CTNNA1: variants seen among roughly 807,000 people sequenced by gnomAD.
CTNNA1 encodes the protein catenin alpha 1, also known as catenin alpha-1.
CTNNA1 carries 37 observed loss-of-function variants against 98.4 expected under a neutral mutation model. That is an observed-to-expected ratio of 0.38 (90% confidence interval 0.29 to 0.49). The LOEUF is 0.49. Ranked by LOEUF, CTNNA1 falls within the 20% of genes least tolerant of loss-of-function variation. The pLI, the probability that CTNNA1 is intolerant of heterozygous loss-of-function variation, is 0.95. For synonymous variants in CTNNA1, 404 were observed against 413.2 expected, an observed-to-expected ratio of 0.98 and a Z score of 0.27; for missense variants, 761 against 1,147.2, an observed-to-expected ratio of 0.66 and a Z score of 4.86.
At chr5:138,821,616 TC>T (rs1201628624) in intron 5 of CTNNA1, among the ~76,000 whole-genome samples, 1 of 152,230 alleles carries the variant, frequency 6.6e-6, no homozygotes, top group East Asian at 1.9e-4. Context: ...AGAGGAAACT[TC>T]CACTTGAATT....
chr5:138,791,211 A>G (rs1274271884), intron 3 of CTNNA1, among the ~76,000 whole-genome samples: 1 of 152,168 alleles, frequency 6.6e-6, no homozygotes, highest in Non-Finnish European at 1.5e-5. Flanking sequence ...ATTCCATTTC[A>G]GGCAAACTTT....
chr5:138,876,945 G>A lies in CTNNA1; in HGVS notation c.1063-9267G>A, dbSNP rs185957. 5.4e-3 allele frequency among the ~76,000 whole-genome samples: 816 copies of A among 152,318 alleles called. 2 individuals are homozygous for A. The highest frequency in any genetic ancestry group is 8.0e-3 in the Non-Finnish European group (542 of 68,038). ...TACGAAGTACAAAGGGAGACAGAAGGCAGCAGGAATGCTCTGAGAGTCTTC... is the reference window on the plus strand; with the variant it reads ...TACGAAGTACAAAGGGAGACAGAAGACAGCAGGAATGCTCTGAGAGTCTTC... On this transcript the variant is annotated intron_variant, in intron 7 of 17. Transcript: ENST00000302763.
intron 14 of CTNNA1, among the ~76,000 whole-genome samples, chr5:138,930,233 G>A (rs1765012628): frequency 1.3e-5 from 2 of 152,120 alleles, no homozygotes; most frequent in African/African-American, 4.8e-5. Context: ...TTCCACATTA[G>A]CCTTCCACCC....
intron 7 of CTNNA1, among the ~76,000 whole-genome samples, chr5:138,847,182 A>C (rs1369458881): frequency 2.0e-5 from 3 of 152,234 alleles, no homozygotes; most frequent in Non-Finnish European, 4.4e-5. Flanking sequence ...TTATTTACTT[A>C]AAAATAGGTT....
chr5:138,771,583 C>A (rs1039207947), intron 1 of CTNNA1, among the ~76,000 whole-genome samples: 3 of 151,908 alleles, frequency 2.0e-5, no homozygotes, highest in African/African-American at 7.3e-5. Context: ...GAGACGAGGC[C>A]TCTATGTTGC....
intron 10 of CTNNA1, among the ~76,000 whole-genome samples, chr5:138,909,584 C>T (rs756757430): frequency 9.9e-5 from 15 of 152,094 alleles, no homozygotes; most frequent in Non-Finnish European, 1.5e-5. Flanking sequence ...GGTGATCCTC[C>T]CACCTGAGCC....
chr5:138,785,186 C>A (rs1438201153), intron 3 of CTNNA1, among the ~76,000 whole-genome samples: 1 of 149,912 alleles, frequency 6.7e-6, no homozygotes. Flanking sequence ...CTCAGCCTCC[C>A]AAGTAGCTGG....
At chr5:138,859,364 C>G (rs969441834) in intron 7 of CTNNA1, among the ~76,000 whole-genome samples, 3 of 151,470 alleles carry the variant, frequency 2.0e-5, no homozygotes, top group Non-Finnish European at 4.4e-5. Context: ...AGTCTCATCT[C>G]CCATCTACAC....
intron 15 of CTNNA1, 40 bp downstream of exon 15, chr5:138,930,694 A>C (rs371129797): frequency 1.3e-6 from 2 of 1,592,576 alleles, no homozygotes; most frequent in Non-Finnish European, 1.7e-6. Context: ...CACAGGGGCT[A>C]CTTTCTTCCC....
At chr5:138,870,020 A>G (rs545731102) in intron 7 of CTNNA1, 2 of 152,658 alleles carry the variant, frequency 1.3e-5, no homozygotes, top group East Asian at 3.9e-4. Context: ...ATGGTATCAT[A>G]GTCTTCTTTA....
At chr5:138,868,623 A>G (rs972760615) in intron 7 of CTNNA1, among the ~76,000 whole-genome samples, 1 of 152,178 alleles carries the variant, frequency 6.6e-6, no homozygotes, top group Non-Finnish European at 1.5e-5. Context: ...TGAGCCTGGG[A>G]CAGTTGTTTG....
At chr5:138,785,410 C>A (rs1755581347) in intron 3 of CTNNA1, among the ~76,000 whole-genome samples, 1 of 152,126 alleles carries the variant, frequency 6.6e-6, no homozygotes, top group South Asian at 2.1e-4. Flanking sequence ...AGTTTTTGAG[C>A]TTGCTGTTGA....
In CTNNA1 at chr5:138,834,241, A is replaced by C. The variant is rs539462729; in HGVS notation, c.1062+6523A>C. 5.9e-5 allele frequency among the ~76,000 whole-genome samples: 9 copies of C among 152,260 alleles called. No homozygotes were observed. The highest frequency in any genetic ancestry group is 2.2e-4 in the African/African-American group (9 of 41,530). ...ACACTTTTCTTTTCTTCAGAATTAG[A>C]GTAGCTTAATTTTTTCCTGATTATA... On this transcript the variant is annotated intron_variant, in intron 7 of 17. Transcript: ENST00000302763.
chr5:138,924,714 C>A lies in CTNNA1; in HGVS notation c.1747+4C>A, dbSNP rs372815392. On this transcript the variant is annotated splice_donor_region_variant and intron_variant, in intron 12 of 17. Coordinates refer to ENST00000302763, the MANE Select transcript of CTNNA1 (RefSeq NM_001903.5). ...ACTAAGCTGCTCTCCAACACAGGTA[C>A]GGGAACTCTCCCTTTCCAGTGCTCG... 3.2e-6 allele frequency: 5 copies of A among 1,560,742 alleles called. No individual in the cohort carries two copies. Among genetic ancestry groups the A allele is most frequent in the Non-Finnish European group, 4.3e-6 (5 of 1,152,342 alleles).
chr5:138,784,850 T>C (rs1755500534), intron 3 of CTNNA1, among the ~76,000 whole-genome samples: 1 of 152,154 alleles, frequency 6.6e-6, no homozygotes, highest in South Asian at 2.1e-4. Flanking sequence ...TACTTTTCTT[T>C]TTTTGTGTCT....
At chr5:138,930,699 C>A in intron 15 of CTNNA1, 45 bp downstream of exon 15, 3 of 1,590,418 alleles carry the variant, frequency 1.9e-6, no homozygotes, top group Non-Finnish European at 2.6e-6. Context: ...GGGCTACTTT[C>A]TTCCCCACAG....
chr5:138,817,708 A>G (rs200590723), intron 5 of CTNNA1, among the ~76,000 whole-genome samples: 5 of 151,656 alleles, frequency 3.3e-5, no homozygotes, highest in Admixed American at 1.3e-4. Context: ...GAAACTTTCT[A>G]TTGTATTTTT....
intron 7 of CTNNA1, among the ~76,000 whole-genome samples, chr5:138,840,184 G>A (rs542128955): frequency 8.5e-5 from 13 of 152,362 alleles, no homozygotes; most frequent in African/African-American, 3.1e-4. Context: ...AAAATAAAGT[G>A]TAGCAAAGAA....
intron 3 of CTNNA1, among the ~76,000 whole-genome samples, chr5:138,808,123 G>T (rs1260680012): frequency 6.6e-6 from 1 of 152,160 alleles, no homozygotes; most frequent in Non-Finnish European, 1.5e-5. Context: ...TCTTCCCTGA[G>T]TAAATAGTTT....
Sources: gnomAD v4.1 joint callset for allele counts (sites outside exome capture counted in the v4.1 genomes callset) on GRCh38, gnomAD v4.1.1 for gene constraint, MANE v1.5 for transcripts, NCBI Gene and HGNC (gene_info 2026-07-23, HGNC 2026-07-21) for gene names.